The following INSR variants were observed in gnomAD, a reference collection of about 807,000 sequenced individuals.
INSR encodes insulin receptor.
A neutral mutation model predicts 142.6 loss-of-function variants in INSR; 67 were observed. The observed-to-expected ratio is 0.47, with a 90% confidence interval of 0.39 to 0.58. The LOEUF (loss-of-function observed/expected upper bound fraction) is 0.58. INSR is among the 20% of genes least tolerant of loss of function. INSR has a pLI of 0.00. For missense variants in INSR, 1,248 were observed against 1,833.2 expected, an observed-to-expected ratio of 0.68 and a Z score of 5.83; for synonymous variants, 756 against 743.1, an observed-to-expected ratio of 1.02 and a Z score of -0.28.
At position 7,261,279 on chromosome 19, in the gene INSR, C is replaced by T. The variant is rs188058303; in HGVS notation, c.652+6066G>A. Among the ~76,000 whole-genome samples, 22 of 152,210 alleles carry T rather than the reference C, an allele frequency of 1.4e-4. No homozygotes were observed. In the East Asian group the frequency reaches 4.3e-3, roughly 29 times the overall value. The stretch of plus-strand genomic sequence containing the variant: ...ACATCTGCATTTGCCACTAGACTGG[C>T]CGCTCTGAGGAGGCAAAGGCTGGCT... On this transcript the variant is annotated intron_variant, in intron 2 of 21. Coordinates refer to ENST00000302850, the MANE Select transcript of INSR (RefSeq NM_000208.4).
intron 2 of INSR, among the ~76,000 whole-genome samples, chr19:7,206,686 G>A (rs1198287844): frequency 2.6e-5 from 4 of 152,160 alleles, no homozygotes; most frequent in African/African-American, 7.2e-5. Context: ...CCAGGAGGAG[G>A]AGGTTTCAGT....
rs181679708 is a variant in INSR at position 7,118,025 on chromosome 19, A to C, written c.3795-615T>G. Among the ~76,000 whole-genome samples the C allele has an allele frequency of 3.1e-4, 46 of 149,576 alleles. No homozygotes were observed. The East Asian group carries it at 7.8e-3, about 25-fold the overall frequency. On this transcript the variant is annotated intron_variant, in intron 21 of 21. Coordinates refer to ENST00000302850, the MANE Select transcript of INSR (RefSeq NM_000208.4). ...GGGCTCAAGCCATCCTCCTGCCTCA[A>C]CCTCCCAAAGTGCTGAGGTTCCAGG...
chr19:7,270,356 C>A lies in INSR; in HGVS notation c.101-2460G>T, dbSNP rs200041786. On this transcript the variant is annotated intron_variant, in intron 1 of 21. Coordinates refer to ENST00000302850, the MANE Select transcript of INSR (RefSeq NM_000208.4). ...TCTCTCTCTCACACACACACACACA[C>A]ACACACACACACACACACACACACT... Among the ~76,000 whole-genome samples the A allele has an allele frequency of 1.1e-4, 15 of 131,466 alleles. 1 individual carries two copies. The highest frequency in any genetic ancestry group is 5.3e-4 in the South Asian group (2 of 3,808). The allele number at this position is 131,466 out of a possible 152,430, so 86.2% of individuals were successfully genotyped here.
intron 2 of INSR, among the ~76,000 whole-genome samples, chr19:7,251,237 C>T (rs1461216080): frequency 6.6e-6 from 1 of 151,962 alleles, no homozygotes; most frequent in Non-Finnish European, 1.5e-5. Context: ...GCTAGAGACC[C>T]AAACAAACAC....
chr19:7,180,886 CTTG>C (rs2144977739), intron 3 of INSR, among the ~76,000 whole-genome samples: 1 of 152,128 alleles, frequency 6.6e-6, no homozygotes, highest in Non-Finnish European at 1.5e-5. Flanking sequence ...GTCCATTGGT[CTTG>C]GGAAGCCACC....
At position 7,125,150 on chromosome 19, in the gene INSR, T is replaced by C. The variant is rs890488138; in HGVS notation, c.3258+133A>G. ...ATGATCCCTCCTCACACCTCTAGGA[T>C]GGGAAGCTTAGTGGAGTGAGGGGTG... On this transcript the variant is annotated intron_variant, in intron 17 of 21. Transcript: ENST00000302850. This position sits in a 1 kb window ranked among gnomAD's most constrained non-coding sequence, Gnocchi z 4.9. 9.4e-7 allele frequency: 1 copy of C among 1,068,320 alleles called. No individual in the cohort carries two copies. Among genetic ancestry groups the C allele is most frequent in the African/African-American group, 1.6e-5 (1 of 64,130 alleles). The allele number at this position is 1,068,320 out of a possible 1,614,324, so 66.2% of individuals were successfully genotyped here.
chr19:7,135,743 G>A (rs1338257582), intron 13 of INSR, among the ~76,000 whole-genome samples: 1 of 151,936 alleles, frequency 6.6e-6, no homozygotes, highest in African/African-American at 2.4e-5. Context: ...GGCCGAGGCG[G>A]GCAGATCACG....
intron 15 of INSR, among the ~76,000 whole-genome samples, chr19:7,128,059 AT>A (rs1042626362): frequency 6.6e-6 from 1 of 151,806 alleles, no homozygotes; most frequent in Non-Finnish European, 1.5e-5. Context: ...ATGTTTAATC[AT>A]GTAGATTAAA....
Position 7,267,697 on chromosome 19 carries a change from C to T in INSR, c.300G>A (p.Lys100=), listed in dbSNP as rs1472828248. The T allele has an allele frequency of 6.2e-7, 1 of 1,614,002 alleles. No individual in the cohort carries two copies. The highest frequency in any genetic ancestry group is 8.5e-7 in the Non-Finnish European group (1 of 1,180,034). The change falls in exon 2 of 22, where the codon AAG becomes AAA. Residue 100 remains lysine, a synonymous_variant. Coordinates refer to ENST00000302850, the MANE Select transcript of INSR (RefSeq NM_000208.4). This position sits in a 1 kb window ranked among gnomAD's most constrained non-coding sequence, Gnocchi z 6.3. The stretch of plus-strand genomic sequence containing the variant: ...TGACCGTGAGGTTGGGGAACAGGTC[C>T]TTCAGGCTCTCGAGCCCATAGACCC... ...LFRVYGLESL[K]DLFPNLTVIR...
chr19:7,194,508 C>CTTT (rs35025189), intron 2 of INSR, among the ~76,000 whole-genome samples: 73 of 73,576 alleles, frequency 9.9e-4, no homozygotes, highest in African/African-American at 3.4e-3. Context: ...AATAGCTTTG[C>CTTT]TTTTTTTTTT....
At chr19:7,239,430 C>T (rs530765754) in intron 2 of INSR, among the ~76,000 whole-genome samples, 2 of 152,214 alleles carry the variant, frequency 1.3e-5, no homozygotes, top group African/African-American at 4.8e-5. Flanking sequence ...TACCAATTTC[C>T]ATGCACTGGA....
At position 7,132,330 on chromosome 19, in the gene INSR, G is replaced by A; in HGVS notation, c.2683-13C>T. Reference sequence around the variant, plus strand: ...AGAGATGCAGCTCCTGGGAGGAAGAGAGGAGGAGAAGGAGGGTGGCTGAGC... The same window carrying A: ...AGAGATGCAGCTCCTGGGAGGAAGAAAGGAGGAGAAGGAGGGTGGCTGAGC... On this transcript the variant is annotated splice_polypyrimidine_tract_variant and intron_variant, in intron 13 of 21. Transcript: ENST00000302850. The A allele has an allele frequency of 6.2e-7, 1 of 1,613,276 alleles. No homozygotes were observed. Among genetic ancestry groups the A allele is most frequent in the Non-Finnish European group, 8.5e-7 (1 of 1,179,762 alleles).
rs1293334925 is a variant in INSR, at chr19:7,114,435, G to A, written c.*2621C>T. ...AATAGATGGAGGATTTTTTTTTAAA[G>A]GAAGATTAAATTCAGAGAAGAATAT... On this transcript the variant is annotated 3_prime_UTR_variant, in exon 22 of 22. Coordinates refer to ENST00000302850, the MANE Select transcript of INSR (RefSeq NM_000208.4). The A allele has an allele frequency of 1.3e-5, 2 of 152,196 alleles. No homozygotes were observed. Among genetic ancestry groups the A allele is most frequent in the Non-Finnish European group, 2.9e-5 (2 of 67,976 alleles). The allele number at this position is 152,196 out of a possible 1,614,324, so 9.4% of individuals were successfully genotyped here.
intron 3 of INSR, among the ~76,000 whole-genome samples, chr19:7,182,952 A>C (rs10500204): frequency 0.25 from 37,844 of 149,958 alleles, 4,905 homozygotes; most frequent in Middle Eastern, 0.28. Flanking sequence ...GTCTGGTATG[A>C]AAAGGTGATT....
rs1968574837 is a variant in INSR, at chr19:7,294,073, G to A, written c.-182C>T. ...CCAGAGGCAGCCCCGGGAAGGGCGC[G>A]CGCGGCTTCGCCAGCTACAAATACT... On this transcript the variant is annotated 5_prime_UTR_variant, in exon 1 of 22. Coordinates refer to ENST00000302850, the MANE Select transcript of INSR (RefSeq NM_000208.4). The A allele has an allele frequency of 2.1e-6, 1 of 481,440 alleles. No individual in the cohort carries two copies. The highest frequency in any genetic ancestry group is 5.5e-5 in the Admixed American group (1 of 18,214). The allele number at this position is 481,440 out of a possible 1,614,324, so 29.8% of individuals were successfully genotyped here. A position where few individuals can be genotyped will look rare whatever the true frequency, so the allele number is the denominator to read the frequency against.
intron 17 of INSR, among the ~76,000 whole-genome samples, chr19:7,123,457 C>T (rs1352938725): frequency 6.6e-6 from 1 of 152,046 alleles, no homozygotes; most frequent in Non-Finnish European, 1.5e-5. Flanking sequence ...CCACTGCACC[C>T]AGCCAGGCCT....
intron 1 of INSR, among the ~76,000 whole-genome samples, chr19:7,284,410 G>C (rs1448793617): frequency 6.6e-6 from 1 of 152,234 alleles, no homozygotes; most frequent in South Asian, 2.1e-4. Flanking sequence ...CCTTAGCCAA[G>C]GAAGAGTAGA....
At chr19:7,292,122 C>T (rs1192714986) in intron 1 of INSR, among the ~76,000 whole-genome samples, 9 of 148,820 alleles carry the variant, frequency 6.0e-5, no homozygotes, top group African/African-American at 1.5e-4. Context: ...GACAAAGTCT[C>T]GCTCTTTGGC....
intron 13 of INSR, among the ~76,000 whole-genome samples, chr19:7,136,566 G>A (rs1170318380): frequency 4.6e-5 from 7 of 151,750 alleles, no homozygotes; most frequent in Admixed American, 3.9e-4. Context: ...GGGACCCAAG[G>A]GTCACTATTA....
Sources: allele counts gnomAD v4.1 joint callset (sites outside exome capture counted in the v4.1 genomes callset), GRCh38; gene constraint gnomAD v4.1.1; non-coding constraint Gnocchi (gnomAD v3.1); transcripts MANE v1.5; gene names NCBI Gene and HGNC (gene_info 2026-07-23, HGNC 2026-07-21).